KCTD13: variants seen among roughly 807,000 people sequenced by gnomAD.
KCTD13 encodes potassium channel tetramerization domain containing 13, also known as BTB/POZ domain-containing adapter for CUL3-mediated RhoA degradation protein 1.
A neutral mutation model predicts 32.3 loss-of-function variants in KCTD13; 15 were observed. That is an observed-to-expected ratio of 0.46 (90% CI 0.31 to 0.71). KCTD13 has a LOEUF of 0.71. Ranked by LOEUF, KCTD13 falls within the 30% of genes least tolerant of loss-of-function variation. The pLI, the probability that KCTD13 is intolerant of heterozygous loss-of-function variation, is 0.05. For missense variants in KCTD13, 337 were observed against 452.6 expected, an observed-to-expected ratio of 0.74 and a Z score of 2.32; for synonymous variants, 189 against 200.1, an observed-to-expected ratio of 0.94 and a Z score of 0.47.
intron 1 of KCTD13, among the ~76,000 whole-genome samples, chr16:29,923,746 G>T (rs1044590171): frequency 1.3e-5 from 2 of 151,778 alleles, no homozygotes; most frequent in East Asian, 1.9e-4. Context: ...CAGCTACTCG[G>T]GGGGGGGCGA....
chr16:29,920,857 G>C (rs1567446853), intron 2 of KCTD13: 1 of 152,156 alleles, frequency 6.6e-6, no homozygotes, highest in Non-Finnish European at 1.5e-5. Flanking sequence ...CCGTTTGCAG[G>C]TGTCCTGTTA....
chr16:29,916,599 C>G (rs1238808202), intron 2 of KCTD13, among the ~76,000 whole-genome samples: 2 of 152,176 alleles, frequency 1.3e-5, no homozygotes, highest in East Asian at 3.8e-4. Flanking sequence ...TGTGGAGGCT[C>G]ATGCCTGTAA....
intron 5 of KCTD13, among the ~76,000 whole-genome samples, chr16:29,910,293 G>A (rs2068683362): frequency 6.6e-6 from 1 of 152,012 alleles, no homozygotes; most frequent in Non-Finnish European, 1.5e-5. Context: ...AGCTACTGGG[G>A]AGGCTGAGGC....
chr16:29,919,029 A>G (rs1391059661), intron 2 of KCTD13, among the ~76,000 whole-genome samples: 1 of 152,024 alleles, frequency 6.6e-6, no homozygotes, highest in Non-Finnish European at 1.5e-5. Context: ...CCTGACCTCA[A>G]GTGATCCACC....
chr16:29,923,430 A>C, intron 1 of KCTD13, 71 bp from the exon 2 acceptor site: 1 of 1,397,560 alleles, frequency 7.2e-7, no homozygotes. Flanking sequence ...AATTAAAAAA[A>C]AATTTTTGTA....
chr16:29,912,815 TC>T (rs1318927172), intron 2 of KCTD13, among the ~76,000 whole-genome samples: 1 of 152,218 alleles, frequency 6.6e-6, no homozygotes, highest in Non-Finnish European at 1.5e-5. Context: ...ATCTGTCTCT[TC>T]CCACCTAGGA....
At chr16:29,923,025 C>G (rs2068938576) in intron 2 of KCTD13, 165 bp downstream of exon 2, 1 of 699,218 alleles carries the variant, frequency 1.4e-6, no homozygotes, top group Non-Finnish European at 2.3e-6. Context: ...GGGGTGCTGC[C>G]TGAGGCGGCA....
At chr16:29,923,744 C>CG (rs896113597) in intron 1 of KCTD13, among the ~76,000 whole-genome samples, 1,748 of 148,242 alleles carry the variant, frequency 0.012, 25 homozygotes, top group African/African-American at 0.037. Context: ...GCCAGCTACT[C>CG]GGGGGGGGGC....
intron 2 of KCTD13, among the ~76,000 whole-genome samples, chr16:29,917,230 C>T (rs1403642315): frequency 6.6e-6 from 1 of 152,082 alleles, no homozygotes; most frequent in Non-Finnish European, 1.5e-5. Flanking sequence ...CTGTTTAATA[C>T]CTGGCACTGG....
chr16:29,910,096 T>TAAAA (rs529199170), intron 5 of KCTD13, among the ~76,000 whole-genome samples: 1 of 110,430 alleles, frequency 9.1e-6, no homozygotes, highest in Non-Finnish European at 1.9e-5. Flanking sequence ...AGACTCTGTC[T>TAAAA]AAAAAAAAAA....
Position 29,908,979 on chromosome 16 carries a change from C to A in KCTD13, c.754-1871G>T, listed in dbSNP as rs569454657. Among the ~76,000 whole-genome samples the A allele has an allele frequency of 2.0e-5, 3 of 152,190 alleles. No homozygotes were observed. In the South Asian group the frequency reaches 6.2e-4, roughly 32 times the overall value. The stretch of plus-strand genomic sequence containing the variant: ...AAGTATTGGGATTACAGGTGTGAGC[C>A]ATGCACTCTAATTATTGGTTTATCT... On this transcript the variant is annotated intron_variant, in intron 5 of 5. Coordinates refer to ENST00000568000, the MANE Select transcript of KCTD13 (RefSeq NM_178863.5).
intron 2 of KCTD13, among the ~76,000 whole-genome samples, chr16:29,919,141 A>G (rs1204807859): frequency 2.6e-5 from 4 of 152,214 alleles, no homozygotes; most frequent in African/African-American, 9.6e-5. Flanking sequence ...GAAATTAAGG[A>G]TAAGGCTGGG....
At position 29,926,005 on chromosome 16, in the gene KCTD13, G is replaced by A. The variant is rs776619810; in HGVS notation, c.29C>T (p.Ala10Val). The A allele has an allele frequency of 6.3e-7, 1 of 1,579,696 alleles. No individual in the cohort carries two copies. Among genetic ancestry groups the A allele is most frequent in the East Asian group, 2.3e-5 (1 of 43,680 alleles). The change falls in exon 1 of 6, where the codon GCC becomes GTC. Residue 10 changes from alanine to valine, a missense_variant. By Grantham distance (64) the Ala-to-Val change is moderately conservative. This residue lies in a region of KCTD13 where 64 missense variants were observed against 59.6 expected (regional missense o/e 1.07). Coordinates refer to ENST00000568000, the MANE Select transcript of KCTD13 (RefSeq NM_178863.5). ...GGCTTCCAGGGACGGGGCCGCGGCG[G>A]CAGCCGGGCCCGAGGCCTCCGCCGA... Reference protein sequence around the residue: MSAEASGPAAAAAPSLEAPK... With the variant: MSAEASGPAVAAAPSLEAPK...
chr16:29,917,000 T>C (rs1235116711), intron 2 of KCTD13, among the ~76,000 whole-genome samples: 1 of 152,180 alleles, frequency 6.6e-6, no homozygotes, highest in Non-Finnish European at 1.5e-5. Context: ...ATAGAGTGAG[T>C]GATCTCAAAG....
chr16:29,911,980 G>A lies in KCTD13; in HGVS notation c.484C>T (p.Leu162Phe). ...CTCACCTTGGAGGTGCTGGCCAGGA[G>A]CTGCTGCTCCTCCCGGGGAGATGTC... ...MVTSPREEQQ[L>F]LASTSKPVVK... is the part of the protein sequence containing the mutation. The change falls in exon 3 of 6, where the codon CTC becomes TTC. Residue 162 changes from leucine to phenylalanine, a missense_variant. Physicochemically the swap from Leu to Phe is conservative, Grantham distance 22. Around this residue, in one of 3 missense-constraint regions of KCTD13, gnomAD observed 252 missense variants for 340.2 expected, o/e 0.74. Transcript: ENST00000568000. The A allele has an allele frequency of 6.2e-7, 1 of 1,611,686 alleles. No homozygotes were observed. Among genetic ancestry groups the A allele is most frequent in the Non-Finnish European group, 8.5e-7 (1 of 1,179,192 alleles).
chr16:29,909,768 T>C (rs565088726), intron 5 of KCTD13, among the ~76,000 whole-genome samples: 1 of 151,760 alleles, frequency 6.6e-6, no homozygotes, highest in African/African-American at 2.4e-5. Flanking sequence ...AGCTCCCTGC[T>C]GCCTCAAATT....
In KCTD13 at chr16:29,926,195, T is replaced by A. The variant is rs1489821369; in HGVS notation, c.-162A>T. 2.4e-6 allele frequency: 2 copies of A among 818,254 alleles called. No individual in the cohort carries two copies. The highest frequency in any genetic ancestry group is 3.4e-6 in the Non-Finnish European group (2 of 582,020). 50.7% of individuals were successfully genotyped at this position (818,254 alleles called of 1,614,324 possible). A position where few individuals can be genotyped will look rare whatever the true frequency, so the allele number is the denominator to read the frequency against. ...AGACCGGCCCTCCGCCCCATCTCGC[T>A]CGCACCACCCGGAAGCCGGCGCCGG... On this transcript the variant is annotated 5_prime_UTR_variant, in exon 1 of 6. Transcript: ENST00000568000.
At chr16:29,923,387 A>T in intron 1 of KCTD13, 28 bp from the exon 2 acceptor site, 1 of 1,605,804 alleles carries the variant, frequency 6.2e-7, no homozygotes, top group Non-Finnish European at 8.5e-7. Context: ...GGCAGGGGGA[A>T]AGATGGCTTT....
intron 2 of KCTD13, chr16:29,913,465 G>A (rs549604388): frequency 1.1e-4 from 16 of 152,314 alleles, no homozygotes; most frequent in Admixed American, 8.5e-4. Flanking sequence ...GTATGAATTC[G>A]TTATCTATCA....
Sources: gnomAD v4.1 joint callset for allele counts (sites outside exome capture counted in the v4.1 genomes callset) on GRCh38, gnomAD v4.1.1 for gene constraint, gnomAD v4.1.1 regional missense constraint, MANE v1.5 for transcripts, NCBI Gene and HGNC (gene_info 2026-07-23, HGNC 2026-07-21) for gene names.